The following RANBP17 variants were observed in gnomAD, a reference collection of about 807,000 sequenced individuals.
RANBP17 encodes RAN binding protein 17.
A neutral mutation model predicts 141.2 loss-of-function variants in RANBP17; 158 were observed. The ratio of observed to expected loss-of-function variants is 1.12; its 90% CI spans 0.98 to 1.28. The LOEUF (loss-of-function observed/expected upper bound fraction) is 1.28. RANBP17 is among the 50% of genes most tolerant of loss of function. The pLI is 0.00. For missense variants in RANBP17, 1,438 were observed against 1,290.7 expected (o/e 1.11, Z -1.75); for synonymous variants, 430 against 450.0 (o/e 0.96, Z 0.56).
chr5:170,983,137 A>G, intron 14 of RANBP17: 1 of 517,928 alleles, frequency 1.9e-6, no homozygotes, highest in Non-Finnish European at 3.7e-6. Context: ...GAGAGATGGG[A>G]TCTGAGAATC....
intron 12 of RANBP17, among the ~76,000 whole-genome samples, chr5:170,925,585 T>C (rs376951665): frequency 1.4e-4 from 21 of 152,194 alleles, no homozygotes; most frequent in African/African-American, 4.8e-4. Context: ...ATTACCTTGC[T>C]TAAAGAATAG....
chr5:171,109,083 A>C (rs1247147897), intron 14 of RANBP17, among the ~76,000 whole-genome samples: 1 of 152,212 alleles, frequency 6.6e-6, no homozygotes, highest in South Asian at 2.1e-4. Context: ...CCATGTGATA[A>C]TGCATGGCTG....
intron 25 of RANBP17, among the ~76,000 whole-genome samples, chr5:171,290,484 G>C (rs1469437): frequency 0.087 from 13,274 of 152,246 alleles, 794 homozygotes; most frequent in East Asian, 0.2. Flanking sequence ...AAGAATAAGA[G>C]AAGAGTTGGG....
chr5:170,922,596 C>CGGCT (rs1348563451), intron 11 of RANBP17, among the ~76,000 whole-genome samples: 1 of 152,188 alleles, frequency 6.6e-6, no homozygotes, highest in Non-Finnish European at 1.5e-5. Flanking sequence ...CAGTGAGTTA[C>CGGCT]GGCTCCGTGG....
intron 25 of RANBP17, among the ~76,000 whole-genome samples, chr5:171,266,959 A>G (rs182377088): frequency 2.0e-5 from 3 of 151,356 alleles, no homozygotes; most frequent in Admixed American, 6.6e-5. Context: ...AAAAACATAC[A>G]TGCCAAAAAT....
At chr5:170,953,389 T>C (rs1255681934) in intron 12 of RANBP17, among the ~76,000 whole-genome samples, 1 of 152,170 alleles carries the variant, frequency 6.6e-6, no homozygotes, top group Non-Finnish European at 1.5e-5. Flanking sequence ...AAATTAGTTT[T>C]ATTTGGCTCT....
At chr5:171,003,254 A>G (rs1779354055) in intron 14 of RANBP17, among the ~76,000 whole-genome samples, 1 of 152,182 alleles carries the variant, frequency 6.6e-6, no homozygotes, top group Non-Finnish European at 1.5e-5. Context: ...GAGTCAGGGA[A>G]AGCTATTGTG....
intron 14 of RANBP17, among the ~76,000 whole-genome samples, chr5:171,056,985 T>C (rs150281859): frequency 6.6e-6 from 1 of 152,294 alleles, no homozygotes; most frequent in East Asian, 1.9e-4. Context: ...GAAAGGAAGC[T>C]AACTTTCACC....
At position 170,968,247 on chromosome 5, in the gene RANBP17, T is replaced by C; in HGVS notation, c.1580T>C (p.Phe527Ser). 2 of 1,565,190 alleles carry C rather than the reference T, an allele frequency of 1.3e-6. No homozygotes were observed. Among genetic ancestry groups the C allele is most frequent in the South Asian group, 1.2e-5 (1 of 81,908 alleles). ...TTTATTTTCCCTTCATGAAGAGTTT[T>C]TCAGCTTATATCTTTAATGGATACC... ...AMDGELSCRV[F>S]QLISLMDTGL... The change falls in exon 14 of 28, where the codon TTT becomes TCT. Residue 527 changes from phenylalanine (F) to serine (S), a missense_variant. Coordinates refer to ENST00000523189, the MANE Select transcript of RANBP17 (RefSeq NM_022897.5).
At chr5:171,030,851 A>G (rs1341380086) in intron 14 of RANBP17, among the ~76,000 whole-genome samples, 2 of 152,024 alleles carry the variant, frequency 1.3e-5, no homozygotes, top group African/African-American at 4.8e-5. Context: ...AGAAATTAGC[A>G]GACTACAAAG....
chr5:170,972,296 C>A (rs970137836), intron 14 of RANBP17, among the ~76,000 whole-genome samples: 1 of 151,340 alleles, frequency 6.6e-6, no homozygotes, highest in African/African-American at 2.4e-5. Context: ...ATTTTCCTGC[C>A]TCAGCCTCCC....
chr5:171,047,442 G>GTTTTTTT (rs60072803), intron 14 of RANBP17, among the ~76,000 whole-genome samples: 1 of 129,444 alleles, frequency 7.7e-6, no homozygotes, highest in African/African-American at 3.0e-5. Context: ...TTTTTGTTTT[G>GTTTTTTT]TTTTTTTTTT....
intron 13 of RANBP17, 27 bp downstream of exon 13, chr5:170,953,729 A>G: frequency 7.1e-7 from 1 of 1,410,680 alleles, no homozygotes; most frequent in South Asian, 1.2e-5. Flanking sequence ...TAATTTACTG[A>G]AATTCACTAA....
rs149580952 is a variant in RANBP17 at position 171,103,563 on chromosome 5, A to G, written c.1711-66567A>G. Among the ~76,000 whole-genome samples the G allele has an allele frequency of 6.0e-3, 908 of 152,128 alleles. 14 individuals carry two copies. The highest frequency in any genetic ancestry group is 0.021 in the African/African-American group (878 of 41,514). ...CCGTGGGGGTGAGATCTGCTAAGCTACACTACTTGGCTCTCTCACTTCAGC... is the reference window on the plus strand; with the variant it reads ...CCGTGGGGGTGAGATCTGCTAAGCTGCACTACTTGGCTCTCTCACTTCAGC... On this transcript the variant is annotated intron_variant, in intron 14 of 27. Transcript: ENST00000523189.
At chr5:171,033,219 A>G (rs895330852) in intron 14 of RANBP17, among the ~76,000 whole-genome samples, 1 of 152,010 alleles carries the variant, frequency 6.6e-6, no homozygotes, top group African/African-American at 2.4e-5. Context: ...ACTTTAGGCT[A>G]TTTTCAGCAT....
At chr5:171,132,092 A>T (rs1358892004) in intron 14 of RANBP17, among the ~76,000 whole-genome samples, 1 of 152,204 alleles carries the variant, frequency 6.6e-6, no homozygotes, top group Admixed American at 6.5e-5. Flanking sequence ...GTATATTTAT[A>T]TATAAATAAT....
chr5:170,865,030 A>G (rs945688642), intron 1 of RANBP17, among the ~76,000 whole-genome samples: 3 of 152,090 alleles, frequency 2.0e-5, no homozygotes, highest in African/African-American at 2.4e-5. Context: ...TTAGTTTGGA[A>G]GGTAGATATT....
chr5:171,106,580 T>G (rs1253966713), intron 14 of RANBP17, among the ~76,000 whole-genome samples: 1 of 152,208 alleles, frequency 6.6e-6, no homozygotes, highest in African/African-American at 2.4e-5. Flanking sequence ...TATTTTATTC[T>G]GTTGACTTGG....
intron 14 of RANBP17, among the ~76,000 whole-genome samples, chr5:171,057,719 T>C (rs1328746783): frequency 1.3e-5 from 2 of 152,104 alleles, no homozygotes; most frequent in African/African-American, 2.4e-5. Context: ...CTTACAGTCA[T>C]AGCAGAAAGG....
Sources: allele counts gnomAD v4.1 joint callset (sites outside exome capture counted in the v4.1 genomes callset), GRCh38; gene constraint gnomAD v4.1.1; transcripts MANE v1.5; gene names NCBI Gene and HGNC (gene_info 2026-07-23, HGNC 2026-07-21).